The following SPATS2 variants were observed in gnomAD, a reference collection of about 807,000 sequenced individuals.
SPATS2 encodes spermatogenesis associated serine rich 2, also known as spermatogenesis-associated serine-rich protein 2.
Under a neutral mutation model 63.7 loss-of-function variants are expected in SPATS2, and 38 were observed. The observed-to-expected ratio is 0.60, with a 90% CI of 0.46 to 0.78. The LOEUF (loss-of-function observed/expected upper bound fraction) is 0.78. SPATS2 is among the 30% of genes least tolerant of loss of function. SPATS2 has a pLI of 0.00. For missense variants in SPATS2, 588 were observed against 666.2 expected, an observed-to-expected ratio of 0.88 and a Z score of 1.29; for synonymous variants, 207 against 232.9, an observed-to-expected ratio of 0.89 and a Z score of 1.01.
intron 2 of SPATS2, among the ~76,000 whole-genome samples, chr12:49,402,470 A>G (rs1004597395): frequency 6.6e-6 from 1 of 152,130 alleles, no homozygotes; most frequent in African/African-American, 2.4e-5. Context: ...GTGCAGCTGA[A>G]GTTGAGATTG....
intron 2 of SPATS2, among the ~76,000 whole-genome samples, chr12:49,390,507 C>G (rs996997640): frequency 6.6e-6 from 1 of 152,076 alleles, no homozygotes; most frequent in African/African-American, 2.4e-5. Context: ...AAAATTATAT[C>G]AATTTAAAAA....
At chr12:49,434,046 C>T (rs916942100) in intron 2 of SPATS2, among the ~76,000 whole-genome samples, 1 of 152,172 alleles carries the variant, frequency 6.6e-6, no homozygotes, top group Admixed American at 6.5e-5. Context: ...GTCCTTTTCT[C>T]ATCTAATGTT....
chr12:49,471,529 A>C (rs1946033615), intron 3 of SPATS2, among the ~76,000 whole-genome samples: 1 of 152,128 alleles, frequency 6.6e-6, no homozygotes. Context: ...ACAGGATCTC[A>C]CTGTGTTGCC....
At chr12:49,421,678 G>C (rs1944987013) in intron 2 of SPATS2, among the ~76,000 whole-genome samples, 1 of 152,134 alleles carries the variant, frequency 6.6e-6, no homozygotes, top group Non-Finnish European at 1.5e-5. Context: ...CAATAATCCA[G>C]TGTCTGTTAG....
At chr12:49,476,416 A>G (rs902582674) in intron 3 of SPATS2, among the ~76,000 whole-genome samples, 1 of 152,142 alleles carries the variant, frequency 6.6e-6, no homozygotes, top group Non-Finnish European at 1.5e-5. Flanking sequence ...CTCATTCTTC[A>G]AGCCCATGTG....
At chr12:49,466,459 C>T (rs187105502) in intron 3 of SPATS2, among the ~76,000 whole-genome samples, 3 of 152,220 alleles carry the variant, frequency 2.0e-5, no homozygotes, top group South Asian at 2.1e-4. Context: ...TGAGCCACCC[C>T]GCCTGGCTGA....
chr12:49,417,218 A>G (rs1165581405), intron 2 of SPATS2, among the ~76,000 whole-genome samples: 1 of 152,274 alleles, frequency 6.6e-6, no homozygotes, highest in Non-Finnish European at 1.5e-5. Flanking sequence ...AAAGAAATTA[A>G]AATCTCTGTA....
At chr12:49,471,587 C>T (rs1946034694) in intron 3 of SPATS2, among the ~76,000 whole-genome samples, 1 of 152,188 alleles carries the variant, frequency 6.6e-6, no homozygotes, top group African/African-American at 2.4e-5. Flanking sequence ...CTGGCTTGGC[C>T]TCCCAAAGTG....
chr12:49,467,668 A>ATC (rs761573052), intron 3 of SPATS2, among the ~76,000 whole-genome samples: 3 of 151,796 alleles, frequency 2.0e-5, no homozygotes, highest in East Asian at 1.9e-4. Context: ...ATCTTTTTGC[A>ATC]TCTCTCTCTC....
intron 2 of SPATS2, among the ~76,000 whole-genome samples, chr12:49,458,897 C>T (rs1194008039): frequency 6.6e-6 from 1 of 152,140 alleles, no homozygotes; most frequent in East Asian, 1.9e-4. Context: ...GGACTAATCT[C>T]ATTTTGATGT....
chr12:49,378,261 G>GTTTATTTTATTTTAT (rs199537085), intron 2 of SPATS2, among the ~76,000 whole-genome samples: 1,915 of 144,208 alleles, frequency 0.013, 53 homozygotes, highest in African/African-American at 0.044. Flanking sequence ...TTGAGTTAAT[G>GTTTATTTTATTTTAT]TTTATTTTAT....
intron 9 of SPATS2, among the ~76,000 whole-genome samples, chr12:49,503,385 C>T (rs1222973290): frequency 1.3e-5 from 2 of 148,500 alleles, no homozygotes; most frequent in Non-Finnish European, 3.0e-5. Flanking sequence ...CGCGGTGGCT[C>T]ATGCCTGTAA....
chr12:49,509,247 C>T (rs546474000), intron 9 of SPATS2, among the ~76,000 whole-genome samples: 3 of 149,124 alleles, frequency 2.0e-5, no homozygotes, highest in East Asian at 2.0e-4. Context: ...ACATGAGAAC[C>T]GTGGCTTATG....
chr12:49,493,538 ATT>A (rs1282686309), intron 6 of SPATS2, among the ~76,000 whole-genome samples: 1 of 151,836 alleles, frequency 6.6e-6, no homozygotes, highest in Non-Finnish European at 1.5e-5. Flanking sequence ...AGTAGGTGGG[ATT>A]ACAGGCATGT....
Position 49,514,589 on chromosome 12 carries a change from A to G in SPATS2, c.874A>G (p.Met292Val), listed in dbSNP as rs769498647. 14 of 1,613,460 alleles carry G rather than the reference A, an allele frequency of 8.7e-6. No individual in the cohort carries two copies. In the East Asian group the frequency reaches 8.9e-5, roughly 10 times the overall value. ...TCGAGAAGTGGCGTTGCTTGCTGAAATGGACAAAGTGAAAGCTGAAGCAAG... is the reference window on the plus strand; with the variant it reads ...TCGAGAAGTGGCGTTGCTTGCTGAAGTGGACAAAGTGAAAGCTGAAGCAAG... ...MDREVALLAE[M>V]DKVKAEAMEI... is the part of the protein sequence containing the mutation. Residue 292 changes from methionine (M) to valine (V), a missense_variant, in exon 10 of 14, where the codon ATG (methionine) becomes GTG (valine). Transcript: ENST00000552918.
At chr12:49,472,611 T>TTATATATA (rs139641031) in intron 3 of SPATS2, among the ~76,000 whole-genome samples, 4 of 145,118 alleles carry the variant, frequency 2.8e-5, no homozygotes, top group African/African-American at 5.0e-5. Flanking sequence ...TTTATATATT[T>TTATATATA]TATATATATA....
intron 2 of SPATS2, among the ~76,000 whole-genome samples, chr12:49,420,572 G>A (rs1405345415): frequency 6.6e-6 from 1 of 152,082 alleles, no homozygotes; most frequent in African/African-American, 2.4e-5. Flanking sequence ...GACGGGGCAA[G>A]ACCCCATCTC....
intron 2 of SPATS2, among the ~76,000 whole-genome samples, chr12:49,401,624 G>A (rs1944606499): frequency 6.6e-6 from 1 of 152,034 alleles, no homozygotes; most frequent in South Asian, 2.1e-4. Flanking sequence ...CATACTAAAA[G>A]ATTTAACAAT....
chr12:49,431,372 C>A (rs1945182683), intron 2 of SPATS2, among the ~76,000 whole-genome samples: 2 of 152,160 alleles, frequency 1.3e-5, no homozygotes, highest in African/African-American at 4.8e-5. Context: ...CCCTGGCCTC[C>A]TGAGTAGCTG....
Sources: gnomAD v4.1 joint callset for allele counts (sites outside exome capture counted in the v4.1 genomes callset) on GRCh38, gnomAD v4.1.1 for gene constraint, MANE v1.5 for transcripts, NCBI Gene and HGNC (gene_info 2026-07-23, HGNC 2026-07-21) for gene names.